The following NOS1AP variants were observed in gnomAD, a reference collection of about 807,000 sequenced individuals.
NOS1AP encodes nitric oxide synthase 1 adaptor protein.
A neutral mutation model predicts 56.2 loss-of-function variants in NOS1AP; 21 were observed. The ratio of observed to expected loss-of-function variants is 0.37; its 90% CI spans 0.26 to 0.54. The LOEUF (loss-of-function observed/expected upper bound fraction) is 0.54. Among genes scored for constraint, NOS1AP ranks in the 20% least tolerant of loss-of-function variants. The probability of loss-of-function intolerance (pLI) is 0.84; values close to 1 mark genes in which losing one functional copy is unlikely to be tolerated. For missense variants in NOS1AP, 522 were observed against 657.8 expected (o/e 0.79, Z 2.26); for synonymous variants, 270 against 274.6 (o/e 0.98, Z 0.17).
chr1:162,151,776 A>G (rs1649716890), intron 1 of NOS1AP, among the ~76,000 whole-genome samples: 1 of 152,050 alleles, frequency 6.6e-6, no homozygotes, highest in Non-Finnish European at 1.5e-5. Context: ...GAAGGAAGGA[A>G]GGAAGAAGAG....
At chr1:162,294,637 TA>T in intron 3 of NOS1AP, among the ~76,000 whole-genome samples, 1 of 152,188 alleles carries the variant, frequency 6.6e-6, no homozygotes, top group Non-Finnish European at 1.5e-5. Flanking sequence ...AAGGAATTCA[TA>T]AACAAAGAGA....
intron 2 of NOS1AP, among the ~76,000 whole-genome samples, chr1:162,204,727 C>G (rs554390136): frequency 1.3e-5 from 2 of 152,280 alleles, no homozygotes; most frequent in South Asian, 4.1e-4. Flanking sequence ...CAAAATGGAA[C>G]GGAACAGAGA....
chr1:162,307,828 A>G (rs1212547303), intron 4 of NOS1AP, among the ~76,000 whole-genome samples: 1 of 152,134 alleles, frequency 6.6e-6, no homozygotes, highest in Non-Finnish European at 1.5e-5. Flanking sequence ...AAAAAAAAAA[A>G]AAAGAATTAG....
intron 8 of NOS1AP, among the ~76,000 whole-genome samples, chr1:162,360,007 G>GT (rs930309140): frequency 4.0e-5 from 6 of 150,010 alleles, no homozygotes; most frequent in Admixed American, 2.0e-4. Flanking sequence ...TATTTATGTC[G>GT]TCCCCCCCCC....
At chr1:162,251,066 TTTTGTTTG>T (rs57225935) in intron 2 of NOS1AP, among the ~76,000 whole-genome samples, 1 of 151,026 alleles carries the variant, frequency 6.6e-6, no homozygotes, top group Non-Finnish European at 1.5e-5. Flanking sequence ...TCCTGAGCTT[TTTTGTTTG>T]TTTGTTTGTT....
chr1:162,095,247 AC>A (rs778981476), intron 1 of NOS1AP, among the ~76,000 whole-genome samples: 12 of 152,290 alleles, frequency 7.9e-5, no homozygotes, highest in Middle Eastern at 3.4e-3. Flanking sequence ...TTGGGAGGCA[AC>A]TAGGTCATGA....
At chr1:162,083,530 T>C (rs534838688) in intron 1 of NOS1AP, among the ~76,000 whole-genome samples, 1 of 152,320 alleles carries the variant, frequency 6.6e-6, no homozygotes, top group South Asian at 2.1e-4. Flanking sequence ...TGTGAGCCAC[T>C]GTGCCTGGCC....
intron 2 of NOS1AP, among the ~76,000 whole-genome samples, chr1:162,189,666 G>C (rs1464678960): frequency 6.6e-6 from 1 of 151,884 alleles, no homozygotes; most frequent in Non-Finnish European, 1.5e-5. Flanking sequence ...CAGTAGACAG[G>C]GTAACATCAG....
chr1:162,155,561 G>A (rs1409243136), intron 2 of NOS1AP, among the ~76,000 whole-genome samples: 2 of 151,870 alleles, frequency 1.3e-5, no homozygotes, highest in Admixed American at 6.6e-5. Flanking sequence ...GGCTCCGGGA[G>A]TGTAAGCGCA....
chr1:162,259,460 A>G (rs192640666), intron 2 of NOS1AP, among the ~76,000 whole-genome samples: 31 of 152,302 alleles, frequency 2.0e-4, no homozygotes, highest in African/African-American at 6.0e-4. Flanking sequence ...GTTTTGTTCA[A>G]ATTTTATACA....
intron 2 of NOS1AP, among the ~76,000 whole-genome samples, chr1:162,214,835 T>C (rs565757548): frequency 4.5e-4 from 68 of 152,312 alleles, no homozygotes; most frequent in African/African-American, 1.6e-3. Flanking sequence ...GTCTGTACGC[T>C]AACATTTGTT....
At chr1:162,190,412 A>C (rs1298949824) in intron 2 of NOS1AP, among the ~76,000 whole-genome samples, 2 of 152,086 alleles carry the variant, frequency 1.3e-5, no homozygotes, top group East Asian at 3.9e-4. Flanking sequence ...ACATGTGCAC[A>C]ATGTGCAGGT....
chr1:162,155,598 C>G (rs577121018), intron 2 of NOS1AP, among the ~76,000 whole-genome samples: 1 of 152,096 alleles, frequency 6.6e-6, no homozygotes, highest in African/African-American at 2.4e-5. Context: ...TGTCTACTTT[C>G]GGAAAGTTCA....
chr1:162,153,253 C>T (rs1228978126), intron 1 of NOS1AP, among the ~76,000 whole-genome samples: 4 of 152,176 alleles, frequency 2.6e-5, no homozygotes, highest in Non-Finnish European at 5.9e-5. Flanking sequence ...CTCAGCCTCC[C>T]GAGTAGCTGG....
intron 2 of NOS1AP, among the ~76,000 whole-genome samples, chr1:162,179,247 A>T (rs1273052594): frequency 6.6e-6 from 1 of 152,178 alleles, no homozygotes; most frequent in African/African-American, 2.4e-5. Flanking sequence ...ACCTCATAAA[A>T]ATCTTACGAA....
intron 2 of NOS1AP, among the ~76,000 whole-genome samples, chr1:162,244,745 A>G (rs1653602159): frequency 6.6e-6 from 1 of 152,200 alleles, no homozygotes; most frequent in Non-Finnish European, 1.5e-5. Flanking sequence ...GGGTGCCAGT[A>G]GCAACCATTT....
At chr1:162,288,641 T>C (rs1485793606) in intron 3 of NOS1AP, among the ~76,000 whole-genome samples, 1 of 152,224 alleles carries the variant, frequency 6.6e-6, no homozygotes, top group African/African-American at 2.4e-5. Context: ...TCTGGATGTT[T>C]ACAAAGGTCT....
chr1:162,242,824 G>A (rs1157302808), intron 2 of NOS1AP, among the ~76,000 whole-genome samples: 3 of 152,168 alleles, frequency 2.0e-5, no homozygotes, highest in Non-Finnish European at 2.9e-5. Flanking sequence ...CTTCAGCAGT[G>A]AGCATAAAAC....
At position 162,204,168 on chromosome 1, in the gene NOS1AP, C is replaced by T. The variant is rs77301924; in HGVS notation, c.177+49692C>T. ...AACTCCTTTACATAGCCCAAAAGGG[C>T]ACAAGCAAATGACCTGGCCTGGTTG... On this transcript the variant is annotated intron_variant, in intron 2 of 9. Transcript: ENST00000361897. 3.2e-3 allele frequency among the ~76,000 whole-genome samples: 493 copies of T among 152,338 alleles called. 3 individuals are homozygous for T. Among genetic ancestry groups the T allele is most frequent in the Non-Finnish European group, 4.0e-3 (271 of 68,026 alleles).
Sources: gnomAD v4.1 joint callset for allele counts (sites outside exome capture counted in the v4.1 genomes callset) on GRCh38, gnomAD v4.1.1 for gene constraint, MANE v1.5 for transcripts, NCBI Gene and HGNC (gene_info 2026-07-23, HGNC 2026-07-21) for gene names.